Variants in SULT1B1 observed in about 807,000 individuals in gnomAD.
SULT1B1 encodes the protein sulfotransferase family 1B member 1.
A neutral mutation model predicts 34.6 loss-of-function variants in SULT1B1; 28 were observed. That is an observed-to-expected ratio of 0.81 (90% CI 0.60 to 1.11). The LOEUF is 1.11. Among genes scored for constraint, SULT1B1 ranks in the 50% least tolerant of loss-of-function variants. The probability of loss-of-function intolerance (pLI) is 0.00; values close to 1 mark genes in which losing one functional copy is unlikely to be tolerated. For synonymous variants in SULT1B1, 147 were observed against 110.2 expected (o/e 1.33, Z -2.09); for missense variants, 374 against 352.2 (o/e 1.06, Z -0.50).
rs1004741845 is a variant in SULT1B1, at chr4:69,726,409, C to T, written c.*679G>A. The T allele has an allele frequency of 6.6e-6, 1 of 151,880 alleles. No individual in the cohort carries two copies. Among genetic ancestry groups the T allele is most frequent in the Non-Finnish European group, 1.5e-5 (1 of 67,954 alleles). 9.4% of individuals were successfully genotyped at this position (151,880 alleles called of 1,614,324 possible). On this transcript the variant is annotated 3_prime_UTR_variant, in exon 8 of 8. Coordinates refer to ENST00000310613, the MANE Select transcript of SULT1B1 (RefSeq NM_014465.4). ...ACTCCCCATAAGAAGTAGGTCACAGCCCTCAGGGCTGCTTTTCAGAACAGA... is the reference window on the plus strand; with the variant it reads ...ACTCCCCATAAGAAGTAGGTCACAGTCCTCAGGGCTGCTTTTCAGAACAGA...
intron 3 of SULT1B1, among the ~76,000 whole-genome samples, 196 bp from the exon 4 acceptor site, chr4:69,750,014 C>G (rs187266215): frequency 6.6e-6 from 1 of 152,254 alleles, no homozygotes; most frequent in East Asian, 1.9e-4. Context: ...CTGAGGTTAG[C>G]CACCCTGAGT....
At chr4:69,750,479 A>G (rs760097793) in intron 3 of SULT1B1, among the ~76,000 whole-genome samples, 7 of 152,174 alleles carry the variant, frequency 4.6e-5, no homozygotes, top group Non-Finnish European at 1.0e-4. Flanking sequence ...CTTCTTATGC[A>G]TTCTTTTATG....
At chr4:69,750,412 C>T (rs1018263030) in intron 3 of SULT1B1, among the ~76,000 whole-genome samples, 3 of 152,140 alleles carry the variant, frequency 2.0e-5, no homozygotes, top group Non-Finnish European at 4.4e-5. Flanking sequence ...AGTCATACAA[C>T]AAATATGTGG....
In SULT1B1 at chr4:69,726,881, T is replaced by C. The variant is rs918181846; in HGVS notation, c.*207A>G. 1.7e-5 allele frequency: 7 copies of C among 420,430 alleles called. No homozygotes were observed. Among genetic ancestry groups the C allele is most frequent in the Non-Finnish European group, 2.9e-5 (7 of 239,410 alleles). 26.0% of individuals were successfully genotyped at this position (420,430 alleles called of 1,614,324 possible). A position where few individuals can be genotyped will look rare whatever the true frequency, so the allele number is the denominator to read the frequency against. On this transcript the variant is annotated 3_prime_UTR_variant, in exon 8 of 8. Coordinates refer to ENST00000310613, the MANE Select transcript of SULT1B1 (RefSeq NM_014465.4). ...TTCCTTTGTTACAAAAAGTTAACAA[T>C]GAACTTTAGCCTTAGAGAATTTGGA...
At chr4:69,746,628 G>C (rs1450207650) in intron 4 of SULT1B1, among the ~76,000 whole-genome samples, 1 of 152,018 alleles carries the variant, frequency 6.6e-6, no homozygotes, top group African/African-American at 2.4e-5. Context: ...CCTTGGATTG[G>C]GTTTCAACCT....
chr4:69,756,139 A>C (rs557719853), intron 1 of SULT1B1, among the ~76,000 whole-genome samples: 43 of 151,862 alleles, frequency 2.8e-4, no homozygotes, highest in African/African-American at 9.2e-4. Context: ...CAATATGTTT[A>C]TTTTTTTGTT....
intron 1 of SULT1B1, chr4:69,760,256 T>A: frequency 1.0e-6 from 1 of 981,442 alleles, no homozygotes; most frequent in Non-Finnish European, 1.2e-6. Flanking sequence ...TTCCACTAAA[T>A]GTAGAAAAAT....
At chr4:69,754,854 G>A in intron 2 of SULT1B1, 56 bp from the exon 3 acceptor site, 1 of 1,570,096 alleles carries the variant, frequency 6.4e-7, no homozygotes. Context: ...GGGAGAGGGA[G>A]AAGAATTTAT....
intron 6 of SULT1B1, among the ~76,000 whole-genome samples, chr4:69,731,774 G>T (rs1324440506): frequency 1.3e-5 from 2 of 152,082 alleles, no homozygotes; most frequent in African/African-American, 4.8e-5. Context: ...TGCTTAAAAA[G>T]GTAACCGGTT....
intron 4 of SULT1B1, among the ~76,000 whole-genome samples, chr4:69,748,977 A>G (rs1299546584): frequency 1.3e-5 from 2 of 152,150 alleles, no homozygotes; most frequent in African/African-American, 4.8e-5. Context: ...AATAAATCCA[A>G]AGTAAGTAGA....
intron 1 of SULT1B1, among the ~76,000 whole-genome samples, chr4:69,758,919 C>T (rs993318252): frequency 2.0e-5 from 3 of 152,096 alleles, no homozygotes; most frequent in Non-Finnish European, 4.4e-5. Context: ...TTGGCCTTAA[C>T]GGAGAGCTTG....
At chr4:69,739,819 AT>A (rs1490427765) in intron 4 of SULT1B1, among the ~76,000 whole-genome samples, 1 of 152,172 alleles carries the variant, frequency 6.6e-6, no homozygotes, top group African/African-American at 2.4e-5. Context: ...CCACTTAGAA[AT>A]TTCAAAGTTC....
chr4:69,733,566 G>A (rs761120190), intron 5 of SULT1B1, 59 bp from the exon 6 acceptor site: 7 of 1,256,572 alleles, frequency 5.6e-6, no homozygotes, highest in East Asian at 2.5e-5. Flanking sequence ...ATTTCTGTCT[G>A]AATAGTAAAT....
At position 69,722,010 on chromosome 4, in the gene SULT1B1, A is replaced by C. The variant is rs1333890204; in HGVS notation, c.*5078T>G. 1 of 152,158 alleles carries C rather than the reference A, an allele frequency of 6.6e-6. No individual in the cohort carries two copies. The highest frequency in any genetic ancestry group is 1.5e-5 in the Non-Finnish European group (1 of 68,006). 9.4% of individuals were successfully genotyped at this position (152,158 alleles called of 1,614,324 possible). A position where few individuals can be genotyped will look rare whatever the true frequency, so the allele number is the denominator to read the frequency against. On this transcript the variant is annotated 3_prime_UTR_variant, in exon 8 of 8. Transcript: ENST00000310613. ...TTTGCAGTATTCTGATTGATTTCAA[A>C]GGGTATCAAATGTATTTGAATCATA...
intron 4 of SULT1B1, among the ~76,000 whole-genome samples, chr4:69,747,322 C>G (rs1292511055): frequency 1.3e-5 from 2 of 152,130 alleles, no homozygotes; most frequent in Admixed American, 1.3e-4. Flanking sequence ...CAGTAGGGAT[C>G]CATATGCAAA....
At chr4:69,745,883 C>G (rs1371643653) in intron 4 of SULT1B1, among the ~76,000 whole-genome samples, 2 of 152,116 alleles carry the variant, frequency 1.3e-5, no homozygotes, top group Non-Finnish European at 2.9e-5. Flanking sequence ...CCTTAAGGAC[C>G]TCTAGGAAGG....
At chr4:69,739,518 G>A (rs1718455275) in intron 4 of SULT1B1, among the ~76,000 whole-genome samples, 1 of 152,192 alleles carries the variant, frequency 6.6e-6, no homozygotes, top group South Asian at 2.1e-4. Context: ...AGGTCACCAA[G>A]TCCCTAGACT....
In SULT1B1 at chr4:69,743,398, G is replaced by A. The variant is rs1020958114; in HGVS notation, c.375+6323C>T. On this transcript the variant is annotated intron_variant, in intron 4 of 7. Coordinates refer to ENST00000310613, the MANE Select transcript of SULT1B1 (RefSeq NM_014465.4). ...TCTAGGACGTTTTATGGGCCTCAGA[G>A]GGGAAGAAGTGCAGTCCCATTGGTC... Among the ~76,000 whole-genome samples the A allele has an allele frequency of 3.3e-5, 5 of 152,154 alleles. No homozygotes were observed. In the South Asian group the frequency reaches 1.0e-3, roughly 31 times the overall value.
At chr4:69,738,792 C>T (rs1229773616) in intron 4 of SULT1B1, among the ~76,000 whole-genome samples, 1 of 152,168 alleles carries the variant, frequency 6.6e-6, no homozygotes, top group Non-Finnish European at 1.5e-5. Flanking sequence ...CAAGTCCCTT[C>T]TGCCTGTGAG....
Sources: gnomAD v4.1 joint callset for allele counts (sites outside exome capture counted in the v4.1 genomes callset) on GRCh38, gnomAD v4.1.1 for gene constraint, MANE v1.5 for transcripts, NCBI Gene and HGNC (gene_info 2026-07-23, HGNC 2026-07-21) for gene names.